The following CANX variants were observed in gnomAD, a reference collection of about 807,000 sequenced individuals.
The protein encoded by CANX is calnexin.
In CANX, 14 loss-of-function variants were observed where a neutral mutation model predicts 75.7. The ratio of observed to expected loss-of-function variants is 0.19; its 90% CI spans 0.12 to 0.29. The LOEUF (loss-of-function observed/expected upper bound fraction) is 0.29, where lower values mean the gene tolerates loss of function less well. CANX is among the 10% of genes least tolerant of loss of function. CANX has a pLI of 1.00. For synonymous variants in CANX, 227 were observed against 236.9 expected, an observed-to-expected ratio of 0.96 and a Z score of 0.38; for missense variants, 567 against 713.2, an observed-to-expected ratio of 0.79 and a Z score of 2.34.
At chr5:179,681,651 C>T (rs771957588) in intron 1 of CANX, among the ~76,000 whole-genome samples, 1 of 152,084 alleles carries the variant, frequency 6.6e-6, no homozygotes, top group African/African-American at 2.4e-5. Context: ...CCAGCCAGCT[C>T]CTACAGCACC....
chr5:179,699,192 G>A (rs1346533729), intron 1 of CANX, 90 bp downstream of exon 1: 3 of 775,576 alleles, frequency 3.9e-6, no homozygotes, highest in Non-Finnish European at 4.7e-6. Flanking sequence ...GGGCGTGGCC[G>A]GCGACTGAGG....
chr5:179,703,140 T>C (rs1186235921), intron 1 of CANX, among the ~76,000 whole-genome samples: 2 of 152,194 alleles, frequency 1.3e-5, no homozygotes, highest in African/African-American at 4.8e-5. Context: ...CTCGAATTCC[T>C]GACCTCAGAT....
intron 1 of CANX, among the ~76,000 whole-genome samples, chr5:179,687,089 G>T (rs998744409): frequency 1.4e-5 from 2 of 146,430 alleles, no homozygotes; most frequent in African/African-American, 5.2e-5. Flanking sequence ...CAGTTTTTTT[G>T]TTTGTTTGTT....
rs1778695381 is a variant in CANX, at chr5:179,726,666, A to C, written c.1646-14A>C. 3.1e-6 allele frequency: 5 copies of C among 1,588,020 alleles called. No homozygotes were observed. The highest frequency in any genetic ancestry group is 2.2e-5 in the South Asian group (2 of 90,472). On this transcript the variant is annotated splice_polypyrimidine_tract_variant and intron_variant, in intron 13 of 14. Coordinates refer to ENST00000247461, the MANE Select transcript of CANX (RefSeq NM_001746.4). ...ATAATAAGGTTTTGCTCAGTTGTTTAACTTCTGTCTTAGAAGAGAAACAGA... is the reference window on the plus strand; with the variant it reads ...ATAATAAGGTTTTGCTCAGTTGTTTCACTTCTGTCTTAGAAGAGAAACAGA...
chr5:179,702,329 C>T (rs373876991), intron 1 of CANX, among the ~76,000 whole-genome samples: 4 of 151,936 alleles, frequency 2.6e-5, no homozygotes, highest in East Asian at 1.9e-4. Context: ...TGGGATTACA[C>T]GCGCGAGCCA....
chr5:179,689,495 C>G (rs1300906886), intron 1 of CANX, among the ~76,000 whole-genome samples: 1 of 141,872 alleles, frequency 7.0e-6, no homozygotes, highest in African/African-American at 2.6e-5. Flanking sequence ...TCAAGCGATT[C>G]TCCTGTCTCA....
chr5:179,691,805 T>G (rs1776302942), intron 1 of CANX, among the ~76,000 whole-genome samples: 1 of 152,076 alleles, frequency 6.6e-6, no homozygotes. Flanking sequence ...TGAGACGGAG[T>G]CTCGCTCTGT....
upstream of CANX, chr5:179,698,475 C>A: frequency 7.8e-7 from 1 of 1,289,226 alleles, no homozygotes; most frequent in South Asian, 1.2e-5. Flanking sequence ...CGTAGGGGCC[C>A]GCGTTCGCTG....
At chr5:179,708,441 G>A (rs1482253235) in intron 5 of CANX, 61 bp downstream of exon 5, 2 of 1,486,138 alleles carry the variant, frequency 1.3e-6, no homozygotes, top group African/African-American at 2.8e-5. Flanking sequence ...AAGACATTAT[G>A]TAACTTTTAC....
At chr5:179,715,776 G>T (rs972834838) in intron 7 of CANX, 2 of 357,136 alleles carry the variant, frequency 5.6e-6, no homozygotes, top group Admixed American at 9.0e-5. Flanking sequence ...TGGTGTATAT[G>T]TGTAAGCCCA....
At chr5:179,680,088 G>A (rs566936329) in intron 1 of CANX, among the ~76,000 whole-genome samples, 1 of 150,744 alleles carries the variant, frequency 6.6e-6, no homozygotes, top group South Asian at 2.1e-4. Context: ...TGGGATTACA[G>A]GTGTGAGCCA....
intron 1 of CANX, among the ~76,000 whole-genome samples, chr5:179,684,670 C>T (rs974806688): frequency 2.0e-5 from 3 of 151,388 alleles, no homozygotes; most frequent in African/African-American, 7.3e-5. Flanking sequence ...ATAGTGGTAG[C>T]GTGTCTAAAT....
intron 1 of CANX, among the ~76,000 whole-genome samples, chr5:179,688,456 C>T (rs564696103): frequency 5.3e-5 from 8 of 150,774 alleles, no homozygotes; most frequent in Non-Finnish European, 1.0e-4. Flanking sequence ...CTCTGCCTCC[C>T]GGGTTCACGC....
In CANX at chr5:179,702,071, T is replaced by C. The variant is rs1280497752; in HGVS notation, c.-4+2969T>C. Reference sequence around the variant, plus strand: ...TATTTTTTTAGAGACAGGGTCTTGCTCTTCATCAGGCTGGAGTGCAGTGGC... The same window carrying C: ...TATTTTTTTAGAGACAGGGTCTTGCCCTTCATCAGGCTGGAGTGCAGTGGC... On this transcript the variant is annotated intron_variant, in intron 1 of 14. Coordinates refer to ENST00000247461, the MANE Select transcript of CANX (RefSeq NM_001746.4). Among the ~76,000 whole-genome samples, 7 of 152,098 alleles carry C rather than the reference T, an allele frequency of 4.6e-5. No homozygotes were observed. The East Asian group carries it at 1.4e-3, about 29-fold the overall frequency.
Position 179,724,029 on chromosome 5 carries a change from C to A in CANX, c.1518+250C>A, listed in dbSNP as rs77335246. ...CTAATCTGTTACTCTCCATAGTGTT[C>A]GGCAGCAACTTTCTAAAAAAAAACA... On this transcript the variant is annotated intron_variant, in intron 12 of 14. Transcript: ENST00000247461. Among the ~76,000 whole-genome samples the A allele has an allele frequency of 4.9e-3, 749 of 151,972 alleles. 6 individuals are homozygous for A. The highest frequency in any genetic ancestry group is 0.015 in the African/African-American group (620 of 41,478).
chr5:179,691,049 CTG>C (rs1236618325), intron 1 of CANX, among the ~76,000 whole-genome samples: 1 of 151,776 alleles, frequency 6.6e-6, no homozygotes, highest in East Asian at 1.9e-4. Flanking sequence ...TTTTTTGAGA[CTG>C]TGCTCACTCT....
chr5:179,680,924 C>A, intron 1 of CANX: 1 of 1,536,208 alleles, frequency 6.5e-7, no homozygotes, highest in South Asian at 1.2e-5. Flanking sequence ...CACATCCAGG[C>A]CCACCCTTGA....
rs1390587045 is a variant in CANX, at chr5:179,691,942, T to C, written c.-4+13165T>C. On this transcript the variant is annotated intron_variant, in intron 1 of 14. Transcript: ENST00000681674. ...ACAGGCACCCGCCACCACGCCCGGCTAATTTTTTTTGTATTTTTTAGTAGA... is the reference window on the plus strand; with the variant it reads ...ACAGGCACCCGCCACCACGCCCGGCCAATTTTTTTTGTATTTTTTAGTAGA... 1.7e-4 allele frequency among the ~76,000 whole-genome samples: 25 copies of C among 151,292 alleles called. 1 individual carries two copies. The highest frequency in any genetic ancestry group is 3.4e-3 in the Middle Eastern group (1 of 290).
chr5:179,726,142 G>A (rs1469478706), intron 13 of CANX, among the ~76,000 whole-genome samples: 1 of 151,656 alleles, frequency 6.6e-6, no homozygotes, highest in African/African-American at 2.4e-5. Flanking sequence ...ACAAAAATTA[G>A]CCAGGCGTGG....
Sources: gnomAD v4.1 joint callset for allele counts (sites outside exome capture counted in the v4.1 genomes callset) on GRCh38, gnomAD v4.1.1 for gene constraint, MANE v1.5 for transcripts, NCBI Gene and HGNC (gene_info 2026-07-23, HGNC 2026-07-21) for gene names.